The following NBEA variants were observed in gnomAD, a reference collection of about 807,000 sequenced individuals.
NBEA encodes the protein lysosomal-trafficking regulator 2.
Under a neutral mutation model 343.4 loss-of-function variants are expected in NBEA, and 44 were observed. That is an observed-to-expected ratio of 0.13 (90% CI 0.10 to 0.16). The LOEUF (loss-of-function observed/expected upper bound fraction) is 0.16, where lower values mean the gene tolerates loss of function less well. Among genes scored for constraint, NBEA ranks in the 10% least tolerant of loss-of-function variants. The probability of loss-of-function intolerance (pLI) is 1.00; values close to 1 mark genes in which losing one functional copy is unlikely to be tolerated. For synonymous variants in NBEA, 1,175 were observed against 1,238.7 expected (o/e 0.95, Z 1.08); for missense variants, 2,555 against 3,631.3 (o/e 0.70, Z 7.62).
At chr13:35,336,882 A>G (rs979812277) in intron 36 of NBEA, among the ~76,000 whole-genome samples, 5 of 152,168 alleles carry the variant, frequency 3.3e-5, no homozygotes, top group African/African-American at 1.2e-4. Flanking sequence ...AGAAGGTGGG[A>G]TAAAGGAGAG....
At chr13:35,282,755 CAT>C (rs1388502232) in intron 34 of NBEA, among the ~76,000 whole-genome samples, 1 of 152,066 alleles carries the variant, frequency 6.6e-6, no homozygotes, top group Non-Finnish European at 1.5e-5. Flanking sequence ...TATTTAGAGT[CAT>C]AGTACTTTAT....
chr13:35,126,664 A>G (rs1447211327), intron 17 of NBEA, among the ~76,000 whole-genome samples: 3 of 152,192 alleles, frequency 2.0e-5, no homozygotes, highest in African/African-American at 7.2e-5. Context: ...CATGCCTGTA[A>G]TCCCAGCACT....
At chr13:35,284,244 G>A (rs370427974) in intron 34 of NBEA, among the ~76,000 whole-genome samples, 4 of 152,064 alleles carry the variant, frequency 2.6e-5, no homozygotes, top group East Asian at 1.9e-4. Flanking sequence ...AGAAACTTAC[G>A]TTTTGTTCCT....
intron 51 of NBEA, among the ~76,000 whole-genome samples, chr13:35,646,782 G>C (rs2084256326): frequency 6.6e-6 from 1 of 152,168 alleles, no homozygotes; most frequent in East Asian, 1.9e-4. Context: ...GGTAATTTGT[G>C]GTTATTACAG....
chr13:35,265,537 A>G (rs2152801026), intron 34 of NBEA, among the ~76,000 whole-genome samples: 1 of 152,020 alleles, frequency 6.6e-6, no homozygotes, highest in Admixed American at 6.6e-5. Flanking sequence ...ATAGGATAGA[A>G]AGATAGCCCA....
chr13:35,666,745 T>C (rs2085374176), intron 56 of NBEA, among the ~76,000 whole-genome samples: 1 of 152,214 alleles, frequency 6.6e-6, no homozygotes, highest in Non-Finnish European at 1.5e-5. Flanking sequence ...AACACTATTT[T>C]ATAAGGGCAA....
At chr13:35,339,807 G>A (rs977905030) in intron 36 of NBEA, among the ~76,000 whole-genome samples, 10 of 152,030 alleles carry the variant, frequency 6.6e-5, no homozygotes, top group African/African-American at 2.2e-4. Context: ...TCTATCATGA[G>A]AACAGCAGCA....
At chr13:35,295,826 AG>A (rs1217735705) in intron 35 of NBEA, among the ~76,000 whole-genome samples, 4 of 152,296 alleles carry the variant, frequency 2.6e-5, no homozygotes, top group African/African-American at 9.6e-5. Context: ...AAAGATTTAA[AG>A]AGCATATAAT....
At chr13:35,025,822 A>G (rs2152544778) in intron 1 of NBEA, among the ~76,000 whole-genome samples, 1 of 152,110 alleles carries the variant, frequency 6.6e-6, no homozygotes, top group South Asian at 2.1e-4. Context: ...AGGTTATTAT[A>G]TTAGGTTATT....
intron 1 of NBEA, among the ~76,000 whole-genome samples, chr13:35,040,009 GAACAGT>G (rs1438422329): frequency 6.6e-6 from 1 of 152,110 alleles, no homozygotes; most frequent in Non-Finnish European, 1.5e-5. Context: ...TCTAGTTCCA[GAACAGT>G]AACTTCTAGA....
chr13:35,183,985 T>G lies in NBEA; in HGVS notation c.4841T>G (p.Ile1614Arg). ...ATGATTTTCTCCACAGTTGTGGTCA[T>G]ACCATCTATCCCTCATCCAAGTTTG... is the stretch of plus-strand genomic sequence containing the variant. ...INSPTSTVVV[I>R]PSIPHPSLNH... is the part of the protein sequence containing the mutation. The change falls in exon 30 of 59, where the codon ATA becomes AGA. Residue 1614 changes from isoleucine (I) to arginine (R), a missense_variant. Physicochemically the swap from Ile to Arg is moderately conservative, Grantham distance 97. Transcript: ENST00000379939. 1 of 1,610,658 alleles carries G rather than the reference T, an allele frequency of 6.2e-7. No homozygotes were observed. The highest frequency in any genetic ancestry group is 8.5e-7 in the Non-Finnish European group (1 of 1,177,812).
At chr13:35,076,391 G>T (rs981696853) in intron 10 of NBEA, among the ~76,000 whole-genome samples, 2 of 151,978 alleles carry the variant, frequency 1.3e-5, no homozygotes, top group African/African-American at 4.8e-5. Context: ...AATATATATT[G>T]AATTCACTAT....
chr13:35,054,233 G>A (rs2063165087), intron 6 of NBEA, among the ~76,000 whole-genome samples: 1 of 151,972 alleles, frequency 6.6e-6, no homozygotes, highest in Admixed American at 6.6e-5. Context: ...TATTTAGATA[G>A]CATTCTGATT....
intron 1 of NBEA, among the ~76,000 whole-genome samples, chr13:34,944,912 A>G (rs1226907465): frequency 6.7e-6 from 1 of 149,292 alleles, no homozygotes; most frequent in East Asian, 1.9e-4. Context: ...TGGACTCTGC[A>G]GCAGTAGCAA....
chr13:35,628,192 T>C lies in NBEA; in HGVS notation c.7561T>C (p.Leu2521=). 1.2e-6 allele frequency: 2 copies of C among 1,613,292 alleles called. No individual in the cohort carries two copies. The highest frequency in any genetic ancestry group is 1.7e-6 in the Non-Finnish European group (2 of 1,179,534). ...AVRALNVFHY[L]TYEGSVNLDS... ...TCGTGCTCTGAATGTTTTTCACTAC[T>C]TGACTTATGAAGGCTCTGTGAACCT... Residue 2521 remains leucine, a synonymous_variant, in exon 49 of 59, where the codon TTG becomes CTG. Coordinates refer to ENST00000379939, the MANE Select transcript of NBEA (RefSeq NM_001385012.1).
chr13:35,464,497 G>A (rs1372757125), intron 40 of NBEA, among the ~76,000 whole-genome samples: 2 of 152,104 alleles, frequency 1.3e-5, no homozygotes, highest in Non-Finnish European at 2.9e-5. Context: ...CCAAAAATAG[G>A]CCGGAAATCA....
At chr13:35,216,119 AT>A (rs1443860704) in intron 33 of NBEA, among the ~76,000 whole-genome samples, 1 of 151,482 alleles carries the variant, frequency 6.6e-6, no homozygotes, top group Non-Finnish European at 1.5e-5. Flanking sequence ...CAATATTATG[AT>A]TTCCCCCCAA....
At chr13:35,211,302 C>A in intron 33 of NBEA, 123 bp downstream of exon 33, 1 of 851,028 alleles carries the variant, frequency 1.2e-6, no homozygotes. Context: ...GATTACATTT[C>A]ACAATTCTGA....
At chr13:35,240,375 T>C (rs1466981213) in intron 34 of NBEA, among the ~76,000 whole-genome samples, 1 of 151,842 alleles carries the variant, frequency 6.6e-6, no homozygotes, top group East Asian at 1.9e-4. Context: ...ATTTAATAGA[T>C]CTAAGCTTCA....
Sources: allele counts gnomAD v4.1 joint callset (sites outside exome capture counted in the v4.1 genomes callset), GRCh38; gene constraint gnomAD v4.1.1; transcripts MANE v1.5; gene names NCBI Gene and HGNC (gene_info 2026-07-23, HGNC 2026-07-21).